The following ZNF91 variants were observed in gnomAD, a reference collection of about 807,000 sequenced individuals.
ZNF91 encodes the protein zinc finger protein 91.
Under a neutral mutation model 12.6 loss-of-function variants are expected in ZNF91, and 7 were observed. The observed-to-expected ratio is 0.55, with a 90% CI of 0.31 to 1.04. The LOEUF (loss-of-function observed/expected upper bound fraction) is 1.04. ZNF91 is among the 50% of genes least tolerant of loss of function. The pLI is 0.05. For synonymous variants in ZNF91, 453 were observed against 462.6 expected, an observed-to-expected ratio of 0.98 and a Z score of 0.27; for missense variants, 1,217 against 1,385.4, an observed-to-expected ratio of 0.88 and a Z score of 1.93.
chr19:23,310,976 T>C (rs1398996950), upstream of ZNF91, among the ~76,000 whole-genome samples: 2 of 152,192 alleles, frequency 1.3e-5, no homozygotes, highest in Non-Finnish European at 2.9e-5. Flanking sequence ...TTGTGACATA[T>C]CACCTGGAAA....
At chr19:23,312,138 C>A (rs1967481785), upstream of ZNF91, among the ~76,000 whole-genome samples, 1 of 151,958 alleles carries the variant, frequency 6.6e-6, no homozygotes, top group South Asian at 2.1e-4. Context: ...AAAATTATGA[C>A]ATAACCCTAG....
chr19:23,348,934 T>C (rs1162281448), intron 3 of ZNF91, among the ~76,000 whole-genome samples: 1 of 152,140 alleles, frequency 6.6e-6, no homozygotes, highest in Non-Finnish European at 1.5e-5. Flanking sequence ...TGGGAGTGTC[T>C]GTCTTATGCG....
chr19:23,375,286 A>G (rs1969465917), intron 1 of ZNF91, among the ~76,000 whole-genome samples: 1 of 151,934 alleles, frequency 6.6e-6, no homozygotes, highest in South Asian at 2.1e-4. Context: ...CAGCCTCCCG[A>G]GTAGCAGGGA....
intron 1 of ZNF91, among the ~76,000 whole-genome samples, chr19:23,322,369 G>C (rs925124045): frequency 6.6e-6 from 1 of 152,124 alleles, no homozygotes; most frequent in African/African-American, 2.4e-5. Context: ...TGTATCACTA[G>C]GCCCAGCACC....
downstream of ZNF91, among the ~76,000 whole-genome samples, chr19:23,354,402 G>T (rs1465390663): frequency 6.6e-6 from 1 of 152,034 alleles, no homozygotes; most frequent in Admixed American, 6.6e-5. Context: ...AAAAAAAATT[G>T]ACAATATTTA....
intron 3 of ZNF91, among the ~76,000 whole-genome samples, chr19:23,341,312 G>A (rs1968118986): frequency 6.6e-6 from 1 of 152,136 alleles, no homozygotes; most frequent in South Asian, 2.1e-4. Context: ...ACCTCCCAAA[G>A]TGTTGGGATT....
At position 23,359,885 on chromosome 19, in the gene ZNF91, T is replaced by G; in HGVS notation, c.3094A>C (p.Asn1032His). 1.3e-6 allele frequency: 2 copies of G among 1,590,406 alleles called. No individual in the cohort carries two copies. The highest frequency in any genetic ancestry group is 1.7e-6 in the Non-Finnish European group (2 of 1,161,242). Residue 1032 changes from asparagine to histidine, a missense_variant, in exon 4 of 4, where the codon AAT becomes CAT. Coordinates refer to ENST00000300619, the MANE Select transcript of ZNF91 (RefSeq NM_003430.4). ...TGTGTAGTAAGCTTTGAGGATCGAT[T>G]AAAAGCTTTGCCACATTCTTCACAT... ...YKCEECGKAF[N>H]RSSKLTTHKI...
upstream of ZNF91, among the ~76,000 whole-genome samples, chr19:23,313,262 T>C (rs1967499590): frequency 6.6e-6 from 1 of 152,190 alleles, no homozygotes; most frequent in African/African-American, 2.4e-5. Context: ...ACATACAGGA[T>C]TGTGACTTAT....
At chr19:23,369,491 C>T (rs551216866) in intron 3 of ZNF91, among the ~76,000 whole-genome samples, 98 of 152,180 alleles carry the variant, frequency 6.4e-4, no homozygotes, top group African/African-American at 2.3e-3. Flanking sequence ...CGGCCACCAC[C>T]CCGTCTGGGA....
intron 3 of ZNF91, among the ~76,000 whole-genome samples, chr19:23,364,378 G>A (rs1348631035): frequency 6.6e-6 from 1 of 152,176 alleles, no homozygotes; most frequent in Non-Finnish European, 1.5e-5. Flanking sequence ...CCCGGAGGCA[G>A]TGGTTGTGGT....
chr19:23,373,346 TTATATATATATATATATATATATATA>T (rs200251921), intron 3 of ZNF91, among the ~76,000 whole-genome samples: 2 of 85,802 alleles, frequency 2.3e-5, no homozygotes, highest in African/African-American at 7.8e-5. Flanking sequence ...TCATGTAATC[TTATATATATATATATATATATATATA>T]TATATATATA....
intron 3 of ZNF91, among the ~76,000 whole-genome samples, chr19:23,364,605 AT>A (rs1455915389): frequency 6.6e-6 from 1 of 152,116 alleles, no homozygotes; most frequent in Non-Finnish European, 1.5e-5. Context: ...ACAAGTAAAA[AT>A]AATAATAACT....
chr19:23,339,745 G>A (rs987272778), intron 3 of ZNF91: 1 of 151,960 alleles, frequency 6.6e-6, no homozygotes, highest in Admixed American at 6.6e-5. Context: ...TTTAACACTA[G>A]CCTGGGCAAC....
At chr19:23,390,877 C>T (rs1226709420) in intron 1 of ZNF91, among the ~76,000 whole-genome samples, 1 of 152,222 alleles carries the variant, frequency 6.6e-6, no homozygotes, top group African/African-American at 2.4e-5. Flanking sequence ...TGTGCCTGAT[C>T]ATACCATATT....
intron 1 of ZNF91, among the ~76,000 whole-genome samples, chr19:23,387,792 T>C (rs1969923315): frequency 6.6e-6 from 1 of 151,426 alleles, no homozygotes; most frequent in Non-Finnish European, 1.5e-5. Context: ...ATACAAAAAT[T>C]AGTCGGGCAT....
intron 3 of ZNF91, among the ~76,000 whole-genome samples, chr19:23,341,794 C>T (rs1017204910): frequency 1.3e-5 from 2 of 152,128 alleles, no homozygotes; most frequent in Non-Finnish European, 2.9e-5. Context: ...ACTCCTCTTA[C>T]ACATTTCAGA....
At chr19:23,355,249 G>T (rs367769192), downstream of ZNF91, among the ~76,000 whole-genome samples, 115 of 152,262 alleles carry the variant, frequency 7.6e-4, no homozygotes, top group African/African-American at 2.6e-3. Context: ...CATGGTGCTG[G>T]TATAAAAATA....
chr19:23,323,538 CTTTT>C (rs1230994514), intron 1 of ZNF91, among the ~76,000 whole-genome samples: 1 of 143,378 alleles, frequency 7.0e-6, no homozygotes, highest in Non-Finnish European at 1.5e-5. Flanking sequence ...CCTCCTTTTC[CTTTT>C]TCTCTCCTCT....
chr19:23,376,652 G>A (rs1197391513), intron 1 of ZNF91, among the ~76,000 whole-genome samples: 1 of 152,084 alleles, frequency 6.6e-6, no homozygotes, highest in Non-Finnish European at 1.5e-5. Flanking sequence ...GCCTCCCAAA[G>A]TGCTGGGATT....
Sources: gnomAD v4.1 joint callset for allele counts (sites outside exome capture counted in the v4.1 genomes callset) on GRCh38, gnomAD v4.1.1 for gene constraint, MANE v1.5 for transcripts, NCBI Gene and HGNC (gene_info 2026-07-23, HGNC 2026-07-21) for gene names.